Variants in THG1L observed in about 807,000 individuals in gnomAD.
THG1L encodes tRNA-histidine guanylyltransferase 1 like, also known as probable tRNA(His) guanylyltransferase.
Under a neutral mutation model 35.2 loss-of-function variants are expected in THG1L, and 27 were observed. The ratio of observed to expected loss-of-function variants is 0.77; its 90% CI spans 0.57 to 1.06. THG1L has a LOEUF of 1.06. Among genes scored for constraint, THG1L ranks in the 50% least tolerant of loss-of-function variants. The pLI, the probability that THG1L is intolerant of heterozygous loss-of-function variation, is 0.00. For missense variants in THG1L, 377 were observed against 371.8 expected (o/e 1.01, Z -0.12); for synonymous variants, 135 against 132.4 (o/e 1.02, Z -0.14).
chr5:157,737,366 C>A (rs1760914265), intron 4 of THG1L, among the ~76,000 whole-genome samples: 1 of 151,992 alleles, frequency 6.6e-6, no homozygotes, highest in Non-Finnish European at 1.5e-5. Flanking sequence ...ACCTGTAATC[C>A]CAGCGACTCA....
intron 5 of THG1L, 64 bp downstream of exon 5, chr5:157,738,058 A>C (rs181104323): frequency 1.5e-6 from 2 of 1,295,156 alleles, no homozygotes; most frequent in African/African-American, 3.0e-5. Context: ...GCCCATTCCA[A>C]GCTGTGCCCT....
chr5:157,733,519 T>TG (rs1404395763), intron 2 of THG1L, among the ~76,000 whole-genome samples: 1 of 152,020 alleles, frequency 6.6e-6, no homozygotes, highest in Non-Finnish European at 1.5e-5. Flanking sequence ...TTAATAGAGG[T>TG]GGGGTCTCTC....
chr5:157,732,341 G>C (rs60889785), intron 1 of THG1L, among the ~76,000 whole-genome samples: 11,598 of 151,864 alleles, frequency 0.076, 731 homozygotes, highest in African/African-American at 0.17. Flanking sequence ...TCCAGCTACT[G>C]GGAAGGCTGA....
rs1375792921 is a variant in THG1L, at chr5:157,740,043, T to C, written c.*561T>C. The C allele has an allele frequency of 6.6e-6, 1 of 152,226 alleles. No individual in the cohort carries two copies. Among genetic ancestry groups the C allele is most frequent in the East Asian group, 1.9e-4 (1 of 5,196 alleles). 9.4% of individuals were successfully genotyped at this position (152,226 alleles called of 1,614,324 possible). On this transcript the variant is annotated 3_prime_UTR_variant, in exon 6 of 6. Transcript: ENST00000231198. The stretch of plus-strand genomic sequence containing the variant: ...TGTGCCAGTCTCTAAGTTGGCAACT[T>C]TGGCTGAACAAATGAGTAGTGGCTT...
Position 157,733,009 on chromosome 5 carries a change from C to G in THG1L, c.333C>G (p.Phe111Leu), listed in dbSNP as rs1233785987. 2 of 1,614,078 alleles carry G rather than the reference C, an allele frequency of 1.2e-6. No homozygotes were observed. The highest frequency in any genetic ancestry group is 1.7e-6 in the Non-Finnish European group (2 of 1,179,976). ...YGQSDEYSFVFKRKTNWFKRR... is the reference protein window; with the variant it reads ...YGQSDEYSFVLKRKTNWFKRR... ...AGAGTGATGAGTACAGCTTTGTGTT[C>G]AAGCGGAAAACCAATTGGTTTAAAA... The change falls in exon 2 of 6, where the codon TTC becomes TTG. Residue 111 changes from phenylalanine to leucine, a missense_variant. By Grantham distance (22) the Phe-to-Leu change is conservative. Coordinates refer to ENST00000231198, the MANE Select transcript of THG1L (RefSeq NM_017872.5).
intron 1 of THG1L, among the ~76,000 whole-genome samples, chr5:157,732,570 A>C (rs1167169379): frequency 6.6e-6 from 1 of 152,208 alleles, no homozygotes; most frequent in Admixed American, 6.5e-5. Flanking sequence ...GGAGCTAGGT[A>C]TGATTACTTT....
rs900515226 is a variant in THG1L at position 157,740,044 on chromosome 5, T to G, written c.*562T>G. ...GTGCCAGTCTCTAAGTTGGCAACTT[T>G]GGCTGAACAAATGAGTAGTGGCTTC... On this transcript the variant is annotated 3_prime_UTR_variant, in exon 6 of 6. Transcript: ENST00000231198. 6.6e-6 allele frequency: 1 copy of G among 152,256 alleles called. No individual in the cohort carries two copies. Among genetic ancestry groups the G allele is most frequent in the African/African-American group, 2.4e-5 (1 of 41,460 alleles). The allele number at this position is 152,256 out of a possible 1,614,324, so 9.4% of individuals were successfully genotyped here. A position where few individuals can be genotyped will look rare whatever the true frequency, so the allele number is the denominator to read the frequency against.
At position 157,731,596 on chromosome 5, in the gene THG1L, GGTGGTA is replaced by G. The variant is rs765395659; in HGVS notation, c.160_165del (p.Val54_Val55del). 3 of 1,605,490 alleles carry G rather than the reference GGTGGTA, an allele frequency of 1.9e-6. No individual in the cohort carries two copies. The highest frequency in any genetic ancestry group is 2.6e-6 in the Non-Finnish European group (3 of 1,175,654). ...ACGACACCTGCCTGGCACACTGCTG[GGTGGTA>G]GTGCGGCTGGACGGCCGGAATTTCC... is the stretch of plus-strand genomic sequence containing the variant. On this transcript the variant is annotated inframe_deletion, in exon 1 of 6. Transcript: ENST00000231198.
intron 4 of THG1L, among the ~76,000 whole-genome samples, chr5:157,736,703 T>C (rs773815232): frequency 9.9e-5 from 15 of 152,266 alleles, no homozygotes; most frequent in Non-Finnish European, 2.2e-4. Context: ...TCATAATAAC[T>C]ACTCACATCA....
At chr5:157,735,171 C>T (rs1424502309) in intron 3 of THG1L, among the ~76,000 whole-genome samples, 1 of 152,188 alleles carries the variant, frequency 6.6e-6, no homozygotes, top group Non-Finnish European at 1.5e-5. Context: ...CTCCTGACCT[C>T]AGGTGATCCA....
At chr5:157,733,349 C>T (rs1261255379) in intron 2 of THG1L, among the ~76,000 whole-genome samples, 3 of 152,216 alleles carry the variant, frequency 2.0e-5, no homozygotes, top group Non-Finnish European at 4.4e-5. Flanking sequence ...CATAGGTTGG[C>T]TTTAGCCAGT....
chr5:157,739,168 C>T lies in THG1L; in HGVS notation c.736-153C>T, dbSNP rs116305594. Among the ~76,000 whole-genome samples the T allele has an allele frequency of 9.5e-3, 1,443 of 152,010 alleles. 14 individuals carry two copies. Among genetic ancestry groups the T allele is most frequent in the African/African-American group, 0.033 (1,361 of 41,458 alleles). ...GTATATATACACACATACATATATG[C>T]GCATATATATACACATATTTATATC... On this transcript the variant is annotated intron_variant, in intron 5 of 5. Transcript: ENST00000231198.
chr5:157,734,772 A>G, intron 3 of THG1L, 27 bp downstream of exon 3: 1 of 1,613,404 alleles, frequency 6.2e-7, no homozygotes, highest in Non-Finnish European at 8.5e-7. Flanking sequence ...AAACACATGT[A>G]GTTAAACCAC....
rs1761030021 is a variant in THG1L, at chr5:157,741,111, C to T, written c.*1629C>T. 1 of 152,056 alleles carries T rather than the reference C, an allele frequency of 6.6e-6. No homozygotes were observed. The highest frequency in any genetic ancestry group is 1.5e-5 in the Non-Finnish European group (1 of 68,070). The allele number at this position is 152,056 out of a possible 1,614,324, so 9.4% of individuals were successfully genotyped here. A position where few individuals can be genotyped will look rare whatever the true frequency, so the allele number is the denominator to read the frequency against. On this transcript the variant is annotated 3_prime_UTR_variant, in exon 6 of 6. Coordinates refer to ENST00000231198, the MANE Select transcript of THG1L (RefSeq NM_017872.5). The stretch of plus-strand genomic sequence containing the variant: ...ATACCAGCTACTCAGAAGGCTGAAG[C>T]AGGATAATTGCTTGAACCTGGTAGG...
chr5:157,731,695 C>G (rs540298748), intron 1 of THG1L, 64 bp downstream of exon 1: 4 of 1,527,738 alleles, frequency 2.6e-6, no homozygotes, highest in East Asian at 2.3e-5. Flanking sequence ...AGCTTCTTCC[C>G]TTGCAAGTCC....
At position 157,734,582 on chromosome 5, in the gene THG1L, C is replaced by T. The variant is rs377283892; in HGVS notation, c.375C>T (p.Phe125=). 2.5e-6 allele frequency: 4 copies of T among 1,614,094 alleles called. No individual in the cohort carries two copies. The East Asian group carries it at 8.9e-5, about 36-fold the overall frequency. The change falls in exon 3 of 6, where the codon TTC becomes TTT. Residue 125 remains phenylalanine, a synonymous_variant. Transcript: ENST00000231198. Reference sequence around the variant, plus strand: ...TGTGCGTTACATTTTCAAGTAAGTTCATGACTCACGTGGCCTCCCAGTTTG... The same window carrying T: ...TGTGCGTTACATTTTCAAGTAAGTTTATGACTCACGTGGCCTCCCAGTTTG... ...TNWFKRRASK[F]MTHVASQFAS...
chr5:157,737,896 G>A lies in THG1L; in HGVS notation c.637G>A (p.Ala213Thr). ...ATTTTTATTTTCTCAGGGAACTCTT[G>A]CAGCAGACAAGAATGAGATTTTGTT... ...QAQGRLQGTLAADKNEILFSE... is the reference protein window; with the variant it reads ...QAQGRLQGTLTADKNEILFSE... The change falls in exon 5 of 6, where the codon GCA becomes ACA. Residue 213 changes from alanine to threonine, a missense_variant. Coordinates refer to ENST00000231198, the MANE Select transcript of THG1L (RefSeq NM_017872.5). The A allele has an allele frequency of 6.2e-7, 1 of 1,612,238 alleles. No homozygotes were observed. The highest frequency in any genetic ancestry group is 1.7e-5 in the Admixed American group (1 of 59,694).
chr5:157,737,859 CT>C (rs770625627), intron 4 of THG1L, 27 bp from the exon 5 acceptor site: 10 of 1,580,070 alleles, frequency 6.3e-6, no homozygotes, highest in African/African-American at 1.4e-5. Context: ...ACATGCAGAG[CT>C]TTTAATATCT....
chr5:157,735,094 C>T (rs550915247), intron 3 of THG1L, among the ~76,000 whole-genome samples: 6 of 152,098 alleles, frequency 3.9e-5, no homozygotes, highest in Non-Finnish European at 5.9e-5. Context: ...TGTGCCACCA[C>T]GCCCGGCTGA....
Sources: gnomAD v4.1 joint callset for allele counts (sites outside exome capture counted in the v4.1 genomes callset) on GRCh38, gnomAD v4.1.1 for gene constraint, MANE v1.5 for transcripts, NCBI Gene and HGNC (gene_info 2026-07-23, HGNC 2026-07-21) for gene names.